The following SLC29A2 variants were observed in gnomAD, a reference collection of about 807,000 sequenced individuals.
SLC29A2 encodes the protein solute carrier family 29 member 2.
A neutral mutation model predicts 48.8 loss-of-function variants in SLC29A2; 37 were observed. The ratio of observed to expected loss-of-function variants is 0.76; its 90% CI spans 0.58 to 1.00. The LOEUF (loss-of-function observed/expected upper bound fraction) is 1.00, where lower values mean the gene tolerates loss of function less well. Among genes scored for constraint, SLC29A2 ranks in the 50% least tolerant of loss-of-function variants. SLC29A2 has a pLI of 0.00. For missense variants in SLC29A2, 533 were observed against 578.6 expected, an observed-to-expected ratio of 0.92 and a Z score of 0.81; for synonymous variants, 233 against 261.7, an observed-to-expected ratio of 0.89 and a Z score of 1.06.
In SLC29A2 at chr11:66,371,227, G is replaced by A. The variant is rs760264522; in HGVS notation, c.111+17C>T. 6.2e-7 allele frequency: 1 copy of A among 1,611,552 alleles called. No individual in the cohort carries two copies. Among genetic ancestry groups the A allele is most frequent in the Non-Finnish European group, 8.5e-7 (1 of 1,178,164 alleles). ...CTGGCTGTGGCCACGAGGCTGCCAC[G>A]CCGCCAGGAGTCTCACCGGGATGGC... On this transcript the variant is annotated intron_variant, in intron 2 of 11. Coordinates refer to ENST00000357440, the MANE Select transcript of SLC29A2 (RefSeq NM_001532.3).
intron 7 of SLC29A2, 103 bp from the exon 8 acceptor site, chr11:66,366,667 C>T: frequency 1.5e-6 from 2 of 1,344,226 alleles, no homozygotes; most frequent in African/African-American, 2.9e-5. Flanking sequence ...AAGTGATCCT[C>T]AGCTCAGCAT....
At chr11:66,371,368 C>T (rs1208986729) in intron 1 of SLC29A2, 43 bp from the exon 2 acceptor site, 3 of 1,596,064 alleles carry the variant, frequency 1.9e-6, no homozygotes, top group Non-Finnish European at 2.6e-6. Flanking sequence ...ACGCACCCGC[C>T]TCCGCAGGCC....
At chr11:66,371,514 C>T in intron 1 of SLC29A2, 49 bp downstream of exon 1, 2 of 1,546,036 alleles carry the variant, frequency 1.3e-6, no homozygotes, top group Non-Finnish European at 1.7e-6. Flanking sequence ...CTTCAGGGAG[C>T]GGGTCTGCAA....
intron 4 of SLC29A2, 25 bp from the exon 5 acceptor site, chr11:66,368,696 G>T: frequency 6.3e-7 from 1 of 1,585,058 alleles, no homozygotes; most frequent in Admixed American, 1.8e-5. Context: ...GATGGGGGCT[G>T]CTGCTCAACT....
Position 66,366,176 on chromosome 11 carries a change from A to G in SLC29A2, c.923T>C (p.Phe308Ser), listed in dbSNP as rs1019469941. 6.2e-7 allele frequency: 1 copy of G among 1,614,036 alleles called. No individual in the cohort carries two copies. The highest frequency in any genetic ancestry group is 8.5e-7 in the Non-Finnish European group (1 of 1,180,000). Residue 308 changes from phenylalanine (F) to serine (S), a missense_variant, in exon 9 of 12, where the codon TTC (phenylalanine) becomes TCC (serine). Physicochemically the swap from Phe to Ser is radical, Grantham distance 155. Coordinates refer to ENST00000357440, the MANE Select transcript of SLC29A2 (RefSeq NM_001532.3). ...VLVFTVTLSV[F>S]PAITAMVTSS... The stretch of plus-strand genomic sequence containing the variant: ...GGTCACCATGGCTGTGATGGCGGGG[A>G]AGACGGACAGGGTGACTGTGAAGAC...
chr11:66,369,965 C>T (rs1281126911), intron 2 of SLC29A2, among the ~76,000 whole-genome samples: 1 of 152,224 alleles, frequency 6.6e-6, no homozygotes, highest in Non-Finnish European at 1.5e-5. Context: ...TCCTCAACAC[C>T]CCGATTCATG....
rs1304910136 is a variant in SLC29A2 at position 66,371,680 on chromosome 11, G to T, written c.-89C>A. The T allele has an allele frequency of 8.2e-6, 11 of 1,340,374 alleles. No individual in the cohort carries two copies. The highest frequency in any genetic ancestry group is 1.1e-5 in the Non-Finnish European group (11 of 982,000). The allele number at this position is 1,340,374 out of a possible 1,614,324, so 83.0% of individuals were successfully genotyped here. ...GGGCGGAGGGCCGCAGACCGGTGGG[G>T]CGGGGGGCGGGTCTCCCCAGATTCC... On this transcript the variant is annotated 5_prime_UTR_variant, in exon 1 of 12. Coordinates refer to ENST00000357440, the MANE Select transcript of SLC29A2 (RefSeq NM_001532.3).
chr11:66,367,959 A>G, intron 5 of SLC29A2, 90 bp from the exon 6 acceptor site: 1 of 972,668 alleles, frequency 1.0e-6, no homozygotes, highest in African/African-American at 1.6e-5. Context: ...CCCATTGTGT[A>G]CTTCTCAGAC....
At chr11:66,368,145 A>G (rs184033108) in intron 5 of SLC29A2, among the ~76,000 whole-genome samples, 3 of 152,316 alleles carry the variant, frequency 2.0e-5, no homozygotes, top group Non-Finnish European at 2.9e-5. Context: ...AGGGAGCTAT[A>G]CCAATCACGT....
chr11:66,370,383 C>T (rs1276733562), intron 2 of SLC29A2, among the ~76,000 whole-genome samples: 1 of 152,168 alleles, frequency 6.6e-6, no homozygotes, highest in Non-Finnish European at 1.5e-5. Flanking sequence ...CTCTGGGTTT[C>T]CAGGGCCCAG....
chr11:66,364,179 C>A, intron 11 of SLC29A2, 46 bp downstream of exon 11: 1 of 1,476,588 alleles, frequency 6.8e-7, no homozygotes, highest in Non-Finnish European at 9.3e-7. Flanking sequence ...AAGACTGAAC[C>A]CACCTCCCTA....
chr11:66,369,022 C>T, intron 4 of SLC29A2, 38 bp downstream of exon 4: 2 of 1,584,020 alleles, frequency 1.3e-6, no homozygotes, highest in African/African-American at 1.3e-5. Context: ...GGCTGAAGCC[C>T]TGCATAGGCT....
rs1277773613 is a variant in SLC29A2 at position 66,364,428 on chromosome 11, T to A, written c.1060-4A>T. ...GCAGCCGGCTGTCCTCGTCTGGCTG[T>A]GGTAGAAGCTGAAGTCAGCATGGTC... On this transcript the variant is annotated splice_region_variant and splice_polypyrimidine_tract_variant and intron_variant, in intron 10 of 11. Coordinates refer to ENST00000357440, the MANE Select transcript of SLC29A2 (RefSeq NM_001532.3). The A allele has an allele frequency of 1.2e-5, 19 of 1,607,592 alleles. No individual in the cohort carries two copies.
At position 66,368,674 on chromosome 11, in the gene SLC29A2, G is replaced by T. The variant is rs1403761191; in HGVS notation, c.416-3C>A. ...GCCCTGTAGGACTGCACTGAAGGCTGTGGAGGACAGGGATGGGGGCTGCTG... is the reference window on the plus strand; with the variant it reads ...GCCCTGTAGGACTGCACTGAAGGCTTTGGAGGACAGGGATGGGGGCTGCTG... On this transcript the variant is annotated splice_polypyrimidine_tract_variant and splice_region_variant and intron_variant, in intron 4 of 11. Coordinates refer to ENST00000357440, the MANE Select transcript of SLC29A2 (RefSeq NM_001532.3). 2 of 1,594,396 alleles carry T rather than the reference G, an allele frequency of 1.3e-6. No homozygotes were observed. Among genetic ancestry groups the T allele is most frequent in the Non-Finnish European group, 1.7e-6 (2 of 1,170,654 alleles).
chr11:66,369,650 T>C (rs1465885207), intron 2 of SLC29A2, 118 bp from the exon 3 acceptor site: 8 of 1,216,182 alleles, frequency 6.6e-6, no homozygotes, highest in Non-Finnish European at 9.6e-6. Flanking sequence ...GTCCTTGTTC[T>C]GTTCCCAGCA....
chr11:66,364,240 A>G lies in SLC29A2; in HGVS notation c.1244T>C (p.Met415Thr). 4 of 1,582,406 alleles carry G rather than the reference A, an allele frequency of 2.5e-6. No homozygotes were observed. Among genetic ancestry groups the G allele is most frequent in the Non-Finnish European group, 3.4e-6 (4 of 1,161,902 alleles). Residue 415 changes from methionine to threonine, a missense_variant, in exon 11 of 12, where the codon ATG (methionine) becomes ACG (threonine). Met to Thr is a moderately conservative substitution (Grantham distance 81). Coordinates refer to ENST00000357440, the MANE Select transcript of SLC29A2 (RefSeq NM_001532.3). ...VSNGYLVSLTMCLAPRQVLPH... is the reference protein window; with the variant it reads ...VSNGYLVSLTTCLAPRQVLPH... Reference sequence around the variant, plus strand: ...TGCCCCGGACCTGGGCGCCAGGCACATGGTGAGGGACACCAGGTAGCCATT... The same window carrying G: ...TGCCCCGGACCTGGGCGCCAGGCACGTGGTGAGGGACACCAGGTAGCCATT...
At chr11:66,366,966 C>A (rs762673604) in intron 7 of SLC29A2, among the ~76,000 whole-genome samples, 5 of 151,922 alleles carry the variant, frequency 3.3e-5, no homozygotes, top group Non-Finnish European at 7.4e-5. Flanking sequence ...CCCCCTCACC[C>A]CAAAACAAAA....
intron 10 of SLC29A2, 22 bp from the exon 11 acceptor site, chr11:66,364,446 G>A (rs1855551619): frequency 3.8e-6 from 6 of 1,592,062 alleles, no homozygotes; most frequent in Non-Finnish European, 5.1e-6. Flanking sequence ...GCTGAAGTCA[G>A]CATGGTCCCT....
chr11:66,369,608 C>G, intron 2 of SLC29A2, 76 bp from the exon 3 acceptor site: 3 of 1,534,658 alleles, frequency 2.0e-6, no homozygotes, highest in Non-Finnish European at 1.8e-6. Flanking sequence ...CTTGTGATTG[C>G]TTTCTAATGT....
Sources: gnomAD v4.1 joint callset for allele counts (sites outside exome capture counted in the v4.1 genomes callset) on GRCh38, gnomAD v4.1.1 for gene constraint, MANE v1.5 for transcripts, NCBI Gene and HGNC (gene_info 2026-07-23, HGNC 2026-07-21) for gene names.